The following CSMD1 variants were observed in gnomAD, a reference collection of about 807,000 sequenced individuals.
CSMD1 encodes the protein CUB and sushi domain-containing protein 1.
Under a neutral mutation model 417.5 loss-of-function variants are expected in CSMD1, and 213 were observed. The ratio of observed to expected loss-of-function variants is 0.51; its 90% confidence interval spans 0.46 to 0.57. CSMD1 has a LOEUF of 0.57. CSMD1 is among the 20% of genes least tolerant of loss of function. The pLI is 0.00. For synonymous variants in CSMD1, 2,862 were observed against 1,736.8 expected (o/e 1.65, Z -16.11); for missense variants, 6,923 against 4,529.7 (o/e 1.53, Z -15.17).
At chr8:4,909,757 T>C (rs978186359) in intron 1 of CSMD1, among the ~76,000 whole-genome samples, 4 of 152,186 alleles carry the variant, frequency 2.6e-5, no homozygotes, top group South Asian at 4.1e-4. Flanking sequence ...ATAGCTCCTA[T>C]AGTCTCTGAT....
intron 3 of CSMD1, among the ~76,000 whole-genome samples, chr8:4,351,395 G>A (rs1026823083): frequency 1.3e-5 from 2 of 152,174 alleles, no homozygotes; most frequent in African/African-American, 4.8e-5. Context: ...TCGTCTCATA[G>A]CCCATGCTGG....
At chr8:4,277,375 T>A (rs1040599135) in intron 3 of CSMD1, among the ~76,000 whole-genome samples, 1 of 152,154 alleles carries the variant, frequency 6.6e-6, no homozygotes, top group African/African-American at 2.4e-5. Flanking sequence ...CATCTCTGAA[T>A]CTGAAGGTGT....
chr8:4,567,069 T>C (rs994038221), intron 2 of CSMD1, among the ~76,000 whole-genome samples: 32 of 152,130 alleles, frequency 2.1e-4, no homozygotes, highest in African/African-American at 4.4e-4. Context: ...CTTCCATAAA[T>C]AGCTTAAATT....
chr8:4,354,954 A>G (rs1801326270), intron 3 of CSMD1, among the ~76,000 whole-genome samples: 1 of 150,406 alleles, frequency 6.6e-6, no homozygotes, highest in Admixed American at 6.7e-5. Context: ...ACCGAATTCC[A>G]CCCAAACCCA....
At chr8:4,419,244 T>C (rs954958334) in intron 3 of CSMD1, among the ~76,000 whole-genome samples, 1 of 152,168 alleles carries the variant, frequency 6.6e-6, no homozygotes, top group African/African-American at 2.4e-5. Flanking sequence ...GTATTACGTG[T>C]AAAAGGCAAT....
intron 46 of CSMD1, among the ~76,000 whole-genome samples, chr8:3,106,104 G>C (rs974156379): frequency 6.6e-6 from 1 of 152,114 alleles, no homozygotes; most frequent in Non-Finnish European, 1.5e-5. Context: ...ATTAAGTGCA[G>C]GCTGGGTACA....
At chr8:3,103,040 A>G (rs982481024) in intron 46 of CSMD1, among the ~76,000 whole-genome samples, 9 of 152,196 alleles carry the variant, frequency 5.9e-5, no homozygotes, top group Non-Finnish European at 1.3e-4. Flanking sequence ...CAGCACCTGG[A>G]CCCATTTAGA....
chr8:3,379,516 A>C (rs1234631939), intron 18 of CSMD1, among the ~76,000 whole-genome samples: 2 of 152,218 alleles, frequency 1.3e-5, no homozygotes, highest in African/African-American at 4.8e-5. Flanking sequence ...GGCTACAGTA[A>C]CAAAAACAGC....
At chr8:4,882,421 G>C (rs894505466) in intron 1 of CSMD1, among the ~76,000 whole-genome samples, 1 of 151,650 alleles carries the variant, frequency 6.6e-6, no homozygotes, top group Non-Finnish European at 1.5e-5. Context: ...TGTGGCTTTA[G>C]CTTCAAATTC....
chr8:3,888,867 C>T (rs983182186), intron 5 of CSMD1, among the ~76,000 whole-genome samples: 1 of 152,056 alleles, frequency 6.6e-6, no homozygotes, highest in Non-Finnish European at 1.5e-5. Context: ...TATTCTATTT[C>T]TGTGACTTCA....
chr8:2,954,098 G>T, intron 65 of CSMD1, 126 bp downstream of exon 65: 1 of 457,482 alleles, frequency 2.2e-6, no homozygotes, highest in Non-Finnish European at 3.9e-6. Flanking sequence ...TTAAATAATT[G>T]AAACATTAAC....
chr8:3,287,760 T>A (rs1803266977), intron 25 of CSMD1, among the ~76,000 whole-genome samples: 1 of 152,152 alleles, frequency 6.6e-6, no homozygotes, highest in African/African-American at 2.4e-5. Context: ...AGGGACAATT[T>A]GACTTCCTCT....
intron 7 of CSMD1, among the ~76,000 whole-genome samples, chr8:3,674,016 G>T (rs1281269211): frequency 6.6e-6 from 1 of 152,174 alleles, no homozygotes; most frequent in African/African-American, 2.4e-5. Context: ...CACTGTGGGA[G>T]AATAACTTGA....
chr8:4,470,239 G>A (rs1800447557), intron 2 of CSMD1, among the ~76,000 whole-genome samples: 1 of 151,960 alleles, frequency 6.6e-6, no homozygotes, highest in African/African-American at 2.4e-5. Flanking sequence ...AGCCCTGCCA[G>A]GTCCATTTCC....
chr8:4,735,062 C>G (rs777601234), intron 1 of CSMD1, among the ~76,000 whole-genome samples: 2 of 152,190 alleles, frequency 1.3e-5, no homozygotes, highest in South Asian at 2.1e-4. Context: ...TCAGTAGAAG[C>G]AAATTGCTGC....
At chr8:4,846,436 T>C (rs996183490) in intron 1 of CSMD1, among the ~76,000 whole-genome samples, 1 of 152,210 alleles carries the variant, frequency 6.6e-6, no homozygotes, top group Non-Finnish European at 1.5e-5. Context: ...GGCTTGTCCT[T>C]GAGGTTTTGG....
rs957961725 is a variant in CSMD1 at position 4,166,288 on chromosome 8, T to C, written c.416-134189A>G. On this transcript the variant is annotated intron_variant, in intron 3 of 69. Coordinates refer to ENST00000635120, the MANE Select transcript of CSMD1 (RefSeq NM_033225.6). ...TAAAATACATAAACATAAAAGTTCT[T>C]AATGGAATATTTTGTATTATCTTTT... Among the ~76,000 whole-genome samples the C allele has an allele frequency of 1.8e-4, 27 of 152,238 alleles. 1 individual carries two copies. The highest frequency in any genetic ancestry group is 5.3e-4 in the African/African-American group (22 of 41,464).
chr8:4,559,886 C>T (rs554192863), intron 2 of CSMD1, among the ~76,000 whole-genome samples: 33 of 152,310 alleles, frequency 2.2e-4, no homozygotes, highest in Non-Finnish European at 4.0e-4. Context: ...GTTCTAGAGC[C>T]TCTTTGGGTA....
At chr8:4,733,499 A>G (rs1810033117) in intron 1 of CSMD1, among the ~76,000 whole-genome samples, 1 of 152,230 alleles carries the variant, frequency 6.6e-6, no homozygotes, top group African/African-American at 2.4e-5. Flanking sequence ...AGTTTTACAC[A>G]TAATCCTCTC....
Sources: allele counts gnomAD v4.1 joint callset (sites outside exome capture counted in the v4.1 genomes callset), GRCh38; gene constraint gnomAD v4.1.1; transcripts MANE v1.5; gene names NCBI Gene and HGNC (gene_info 2026-07-23, HGNC 2026-07-21).